Variants in SHISAL1 observed in about 807,000 individuals in gnomAD.
SHISAL1 encodes the protein protein shisa-like-1.
SHISAL1 carries 9 observed loss-of-function variants against 22.6 expected under a neutral mutation model. The observed-to-expected ratio is 0.40, with a 90% CI of 0.24 to 0.70. The LOEUF is 0.70. Among genes scored for constraint, SHISAL1 ranks in the 30% least tolerant of loss-of-function variants. The pLI is 0.39. For missense variants in SHISAL1, 246 were observed against 270.6 expected (o/e 0.91, Z 0.64); for synonymous variants, 119 against 115.4 (o/e 1.03, Z -0.20).
At chr22:44,322,604 T>C in the SHISAL1 span, among the ~76,000 whole-genome samples, 16 of 152,206 alleles carry the variant, frequency 1.1e-4, no homozygotes, top group African/African-American at 3.4e-4. Context: ...CCCCACATTA[T>C]GGAGGGGGAA....
chr22:44,331,669 G>A, the SHISAL1 span, among the ~76,000 whole-genome samples: 86 of 148,470 alleles, frequency 5.8e-4, no homozygotes, highest in Non-Finnish European at 9.3e-4. This position sits in a 1 kb window ranked among gnomAD's most constrained non-coding sequence, Gnocchi z 5.2. Flanking sequence ...TCCCTGATCG[G>A]CGCTCGGAAG....
chr22:44,287,411 G>A (rs997312220), intron 3 of SHISAL1, among the ~76,000 whole-genome samples: 8 of 152,162 alleles, frequency 5.3e-5, no homozygotes, highest in Admixed American at 1.3e-4. Flanking sequence ...GATGCTGCTC[G>A]GGTGCCTGGG....
the SHISAL1 span, among the ~76,000 whole-genome samples, chr22:44,327,756 C>T: frequency 6.6e-5 from 10 of 152,200 alleles, no homozygotes; most frequent in East Asian, 1.9e-4. Context: ...GTGAGACCAG[C>T]GCCTATGGAA....
rs796251603 is a variant in SHISAL1 at position 44,246,813 on chromosome 22, G to C, written c.*2872C>G. On this transcript the variant is annotated 3_prime_UTR_variant, in exon 5 of 5. Coordinates refer to ENST00000381176, the MANE Select transcript of SHISAL1 (RefSeq NM_001099294.2). ...GAGGCTCTGAGAGGTTAAGTGGCTC[G>C]TGGGGGTGACCTGCAGGAAGGAGGA... is the stretch of plus-strand genomic sequence containing the variant. 1 of 152,504 alleles carries C rather than the reference G, an allele frequency of 6.6e-6. No homozygotes were observed. Among genetic ancestry groups the C allele is most frequent in the Non-Finnish European group, 1.5e-5 (1 of 68,282 alleles). 9.4% of individuals were successfully genotyped at this position (152,504 alleles called of 1,614,324 possible).
At position 44,310,007 on chromosome 22, in the gene SHISAL1, A is replaced by G. The variant is rs889734764; in HGVS notation, c.-33+2744T>C. Among the ~76,000 whole-genome samples, 1 of 152,202 alleles carries G rather than the reference A, an allele frequency of 6.6e-6. No individual in the cohort carries two copies. The highest frequency in any genetic ancestry group is 2.4e-5 in the African/African-American group (1 of 41,458). ...TGTGCTGGCCAGGACCGAGGCAGCC[A>G]GAGTGTATGGCTGGAGAAGGACAGA... On this transcript the variant is annotated intron_variant, in intron 1 of 4. Coordinates refer to ENST00000381176, the MANE Select transcript of SHISAL1 (RefSeq NM_001099294.2). This position sits in a 1 kb window ranked among gnomAD's most constrained non-coding sequence, Gnocchi z 4.0.
intron 4 of SHISAL1, among the ~76,000 whole-genome samples, chr22:44,278,745 G>A (rs1180280095): frequency 2.0e-5 from 3 of 152,108 alleles, no homozygotes; most frequent in Admixed American, 6.5e-5. Context: ...AGGGGCCTCC[G>A]TGGGTCGTGG....
chr22:44,250,357 C>T (rs1267722700), intron 4 of SHISAL1, among the ~76,000 whole-genome samples: 1 of 152,074 alleles, frequency 6.6e-6, no homozygotes, highest in African/African-American at 2.4e-5. Flanking sequence ...AAGAAGAGAC[C>T]AAGGTGCTCC....
At chr22:44,257,671 A>G (rs1415267970) in intron 4 of SHISAL1, among the ~76,000 whole-genome samples, 3 of 152,232 alleles carry the variant, frequency 2.0e-5, no homozygotes, top group Non-Finnish European at 4.4e-5. Flanking sequence ...AGCCAAACTT[A>G]GATCAGATGA....
chr22:44,283,871 G>T (rs988269837), intron 4 of SHISAL1, among the ~76,000 whole-genome samples: 21 of 152,120 alleles, frequency 1.4e-4, no homozygotes, highest in African/African-American at 4.6e-4. Flanking sequence ...CTCTAGGTGT[G>T]TCTGTTGCAA....
chr22:44,324,941 C>G, the SHISAL1 span, among the ~76,000 whole-genome samples: 18 of 152,344 alleles, frequency 1.2e-4, no homozygotes, highest in African/African-American at 4.3e-4. Flanking sequence ...ACAATTTAAA[C>G]AGCAAAGGCC....
At chr22:44,262,227 G>A (rs1220647471) in intron 4 of SHISAL1, among the ~76,000 whole-genome samples, 4 of 152,212 alleles carry the variant, frequency 2.6e-5, no homozygotes, top group Non-Finnish European at 5.9e-5. Flanking sequence ...CACTCCAGGC[G>A]GACGGAACAG....
intron 4 of SHISAL1, among the ~76,000 whole-genome samples, chr22:44,270,267 G>A (rs751265453): frequency 5.9e-5 from 9 of 152,220 alleles, no homozygotes; most frequent in Non-Finnish European, 1.2e-4. Flanking sequence ...TGCCGTCAAC[G>A]TTGAGATGTC....
Position 44,267,980 on chromosome 22 carries a change from C to T in SHISAL1, c.599+17448G>A, listed in dbSNP as rs532718911. Among the ~76,000 whole-genome samples the T allele has an allele frequency of 1.1e-4, 17 of 152,346 alleles. No individual in the cohort carries two copies. The South Asian group carries it at 3.3e-3, about 30-fold the overall frequency. On this transcript the variant is annotated intron_variant, in intron 4 of 4. Coordinates refer to ENST00000381176, the MANE Select transcript of SHISAL1 (RefSeq NM_001099294.2). ...CTGGGAGCCTCTGCAGAGACACGGC[C>T]GGAGGCTGCCCTGGCTTTGGGAGTG...
At chr22:44,284,184 C>T (rs1302851666) in intron 4 of SHISAL1, among the ~76,000 whole-genome samples, 5 of 152,080 alleles carry the variant, frequency 3.3e-5, no homozygotes, top group Non-Finnish European at 2.9e-5. Flanking sequence ...TTGAAAAGGT[C>T]ACTACCTGCT....
intron 4 of SHISAL1, among the ~76,000 whole-genome samples, chr22:44,269,226 CCA>C (rs889976166): frequency 2.7e-4 from 41 of 150,904 alleles, no homozygotes; most frequent in Middle Eastern, 6.8e-3. Flanking sequence ...ACACACCACG[CCA>C]CACAGACCCT....
At chr22:44,302,261 A>G (rs12163476) in intron 1 of SHISAL1, among the ~76,000 whole-genome samples, 2 of 149,806 alleles carry the variant, frequency 1.3e-5, no homozygotes, top group Admixed American at 6.7e-5. Flanking sequence ...AACAGCTTGA[A>G]CCTGGGAGGT....
At position 44,251,900 on chromosome 22, in the gene SHISAL1, G is replaced by A. The variant is rs935855530; in HGVS notation, c.*-2215C>T. On this transcript the variant is annotated intron_variant, in intron 4 of 4. Transcript: ENST00000381176. ...AGAAGGTACTTATTGCCCCTGAACC[G>A]TATACTTAAAAATGGTTAAAATGGT... Among the ~76,000 whole-genome samples the A allele has an allele frequency of 8.5e-5, 13 of 152,114 alleles. 1 individual carries two copies. The highest frequency in any genetic ancestry group is 4.6e-4 in the Admixed American group (7 of 15,224).
Position 44,249,625 on chromosome 22 carries a change from A to T in SHISAL1, c.*60T>A, listed in dbSNP as rs2055032496. On this transcript the variant is annotated 3_prime_UTR_variant, in exon 5 of 5. Transcript: ENST00000381176. ...TCTCTGTAGAAGTTGTTCTTCTCGGAGGCTGCACCGGGTGCTTCAGATCTC... is the reference window on the plus strand; with the variant it reads ...TCTCTGTAGAAGTTGTTCTTCTCGGTGGCTGCACCGGGTGCTTCAGATCTC... 2.6e-6 allele frequency: 2 copies of T among 777,120 alleles called. No individual in the cohort carries two copies. 48.1% of individuals were successfully genotyped at this position (777,120 alleles called of 1,614,324 possible).
chr22:44,325,580 G>A, the SHISAL1 span, among the ~76,000 whole-genome samples: 1 of 152,054 alleles, frequency 6.6e-6, no homozygotes, highest in African/African-American at 2.4e-5. Context: ...CTCTCAACCC[G>A]CACAGAGCCC....
Sources: gnomAD v4.1 joint callset for allele counts (sites outside exome capture counted in the v4.1 genomes callset) on GRCh38, gnomAD v4.1.1 for gene constraint, Gnocchi (gnomAD v3.1) non-coding constraint, MANE v1.5 for transcripts, NCBI Gene and HGNC (gene_info 2026-07-23, HGNC 2026-07-21) for gene names.